The following ABCB10 variants were observed in gnomAD, a reference collection of about 807,000 sequenced individuals.
ABCB10 encodes the protein ATP-binding cassette sub-family B member 10, mitochondrial.
Under a neutral mutation model 65.4 loss-of-function variants are expected in ABCB10, and 54 were observed. The ratio of observed to expected loss-of-function variants is 0.83; its 90% CI spans 0.66 to 1.04. ABCB10 has a LOEUF of 1.04. Among genes scored for constraint, ABCB10 ranks in the 50% least tolerant of loss-of-function variants. The probability of loss-of-function intolerance (pLI) is 0.00; values close to 1 mark genes in which losing one functional copy is unlikely to be tolerated. For missense variants in ABCB10, 846 were observed against 976.6 expected, an observed-to-expected ratio of 0.87 and a Z score of 1.78; for synonymous variants, 418 against 406.5, an observed-to-expected ratio of 1.03 and a Z score of -0.34.
In ABCB10 at chr1:229,525,788, C is replaced by A. The variant is rs6700197; in HGVS notation, c.1906+148G>T. The A allele has an allele frequency of 1.2e-5, 11 of 903,840 alleles. No individual in the cohort carries two copies. In the Admixed American group the frequency reaches 2.5e-4, roughly 21 times the overall value. 56.0% of individuals were successfully genotyped at this position (903,840 alleles called of 1,614,324 possible). ...AGGAGCTTGCAGAGAGCCGAGATTG[C>A]GCCACTGCCACTGCACTCCAGCCTG... On this transcript the variant is annotated intron_variant, in intron 10 of 12. Transcript: ENST00000344517.
intron 3 of ABCB10, among the ~76,000 whole-genome samples, chr1:229,546,422 G>C (rs568263211): frequency 1.3e-5 from 2 of 152,082 alleles, no homozygotes; most frequent in African/African-American, 4.8e-5. Flanking sequence ...TTTGATTTTT[G>C]ACTGTGTGGG....
At chr1:229,532,970 CTTTATT>C (rs1220658124) in intron 6 of ABCB10, among the ~76,000 whole-genome samples, 1 of 152,040 alleles carries the variant, frequency 6.6e-6, no homozygotes, top group Non-Finnish European at 1.5e-5. Context: ...CCAGCAATCT[CTTTATT>C]TTTATTTTTT....
chr1:229,542,392 T>C (rs1375035194), intron 3 of ABCB10, 21 bp from the exon 4 acceptor site: 4 of 1,606,358 alleles, frequency 2.5e-6, no homozygotes, highest in African/African-American at 1.3e-5. Flanking sequence ...CAAAAAAAAA[T>C]TCAGAGGTGT....
At chr1:229,551,142 T>C (rs1663105202) in intron 1 of ABCB10, among the ~76,000 whole-genome samples, 1 of 152,166 alleles carries the variant, frequency 6.6e-6, no homozygotes, top group Non-Finnish European at 1.5e-5. Context: ...CAACTGGACA[T>C]TTAGTCGACA....
chr1:229,558,346 C>CGCA lies in ABCB10; in HGVS notation c.304_306dup (p.Cys102dup). 7.9e-7 allele frequency: 1 copy of CGCA among 1,258,960 alleles called. No individual in the cohort carries two copies. The highest frequency in any genetic ancestry group is 1.0e-6 in the Non-Finnish European group (1 of 991,054). 78.0% of individuals were successfully genotyped at this position (1,258,960 alleles called of 1,614,324 possible). On this transcript the variant is annotated inframe_insertion, in exon 1 of 13. Transcript: ENST00000344517. ...GGAGCGCCTGGCCCGGCAAAAGCCC[C>CGCA]GCACCTGCAGCTGCCGGGGCCGCGA... is the stretch of plus-strand genomic sequence containing the variant.
At position 229,556,399 on chromosome 1, in the gene ABCB10, G is replaced by A. The variant is rs189385434; in HGVS notation, c.517+1737C>T. ...AAAAAAAAAAAAAAAGGTACGAGCT[G>A]GGTGTGGTGGCACATGCCTGTAGTC... On this transcript the variant is annotated intron_variant, in intron 1 of 12. Transcript: ENST00000344517. Among the ~76,000 whole-genome samples the A allele has an allele frequency of 2.1e-3, 319 of 151,910 alleles. 2 individuals carry two copies. The highest frequency in any genetic ancestry group is 7.3e-3 in the African/African-American group (302 of 41,460).
intron 5 of ABCB10, among the ~76,000 whole-genome samples, chr1:229,539,905 T>A (rs1662804356): frequency 6.6e-6 from 1 of 152,128 alleles, no homozygotes; most frequent in Non-Finnish European, 1.5e-5. Flanking sequence ...CAAATAAATA[T>A]CTACTGTATA....
intron 8 of ABCB10, 115 bp from the exon 9 acceptor site, chr1:229,527,423 T>A: frequency 5.5e-6 from 5 of 903,184 alleles, no homozygotes; most frequent in Non-Finnish European, 8.8e-6. Context: ...CAAAATGTAC[T>A]GAAAATCTCC....
chr1:229,549,388 G>T lies in ABCB10; in HGVS notation c.564C>A (p.Ala188=). 6.2e-7 allele frequency: 1 copy of T among 1,614,140 alleles called. No homozygotes were observed. Among genetic ancestry groups the T allele is most frequent in the Non-Finnish European group, 8.5e-7 (1 of 1,180,024 alleles). The part of the protein sequence containing the change: ...LTMSSVISMS[A]PFFLGKIIDV... ...CAATGATCTTCCCCAGGAAGAAAGG[G>T]GCAGACATGGAGATAACACTGGACA... Residue 188 remains alanine (A), a synonymous_variant, in exon 2 of 13, where the codon GCC becomes GCA. Coordinates refer to ENST00000344517, the MANE Select transcript of ABCB10 (RefSeq NM_012089.3).
rs1169920657 is a variant in ABCB10, at chr1:229,518,372, G to C, written c.2024C>G (p.Ala675Gly). ...TCTTCCATCCATCAGTCGATCTAGAGCTTCTTGAACAAGGTACTCATTTTC... is the reference window on the plus strand; with the variant it reads ...TCTTCCATCCATCAGTCGATCTAGACCTTCTTGAACAAGGTACTCATTTTC... ...DAENEYLVQE[A>G]LDRLMDGRTV... The change falls in exon 13 of 13, where the codon GCT (alanine) becomes GGT (glycine). Residue 675 changes from alanine to glycine, a missense_variant. Physicochemically the swap from Ala to Gly is moderately conservative, Grantham distance 60. Transcript: ENST00000344517. 6 of 1,614,218 alleles carry C rather than the reference G, an allele frequency of 3.7e-6. No individual in the cohort carries two copies. The highest frequency in any genetic ancestry group is 5.1e-6 in the Non-Finnish European group (6 of 1,180,040).
chr1:229,548,438 T>C (rs1346171534), intron 2 of ABCB10, among the ~76,000 whole-genome samples: 1 of 152,232 alleles, frequency 6.6e-6, no homozygotes, highest in African/African-American at 2.4e-5. Context: ...TCCACAGAGA[T>C]AAATGGAGAG....
chr1:229,546,546 T>C (rs1662971512), intron 3 of ABCB10, among the ~76,000 whole-genome samples: 1 of 152,136 alleles, frequency 6.6e-6, no homozygotes, highest in South Asian at 2.1e-4. Flanking sequence ...TGACAATATT[T>C]TGTTTATACT....
intron 4 of ABCB10, 95 bp downstream of exon 4, chr1:229,542,142 G>A: frequency 6.9e-7 from 1 of 1,440,286 alleles, no homozygotes; most frequent in Non-Finnish European, 9.2e-7. Flanking sequence ...GCACTTCATT[G>A]AAAAACCTAA....
chr1:229,543,204 G>A (rs995441436), intron 3 of ABCB10, among the ~76,000 whole-genome samples: 2 of 151,514 alleles, frequency 1.3e-5, no homozygotes, highest in Admixed American at 6.6e-5. Context: ...CTAACAAGTC[G>A]AAGAAGAATT....
intron 3 of ABCB10, 83 bp from the exon 4 acceptor site, chr1:229,542,454 T>C: frequency 6.7e-7 from 1 of 1,490,888 alleles, no homozygotes; most frequent in Non-Finnish European, 9.1e-7. Flanking sequence ...GGGGAGTGTG[T>C]GTGTGGGTGT....
At position 229,517,966 on chromosome 1, in the gene ABCB10, A is replaced by G. The variant is rs778995411; in HGVS notation, c.*213T>C. 11 of 546,426 alleles carry G rather than the reference A, an allele frequency of 2.0e-5. No individual in the cohort carries two copies. The highest frequency in any genetic ancestry group is 4.6e-5 in the South Asian group (2 of 43,112). 33.8% of individuals were successfully genotyped at this position (546,426 alleles called of 1,614,324 possible). ...AAAACCTGAAAATAACTTCAGTGCT[A>G]TAGACATTTAAAAAGTTACAATTAT... On this transcript the variant is annotated 3_prime_UTR_variant, in exon 13 of 13. Transcript: ENST00000344517.
intron 8 of ABCB10, among the ~76,000 whole-genome samples, chr1:229,527,519 G>T (rs994946853): frequency 2.6e-5 from 4 of 152,244 alleles, no homozygotes; most frequent in Non-Finnish European, 5.9e-5. Context: ...TCTCCCGATA[G>T]TAGCTGGATG....
intron 6 of ABCB10, among the ~76,000 whole-genome samples, chr1:229,533,819 A>C (rs879461562): frequency 1.3e-5 from 2 of 152,240 alleles, no homozygotes; most frequent in Admixed American, 1.3e-4. Context: ...AAAACACAAA[A>C]CAATAAACTC....
At position 229,530,377 on chromosome 1, in the gene ABCB10, C is replaced by T. The variant is rs750438122; in HGVS notation, c.1467G>A (p.Gln489=). 2 of 1,614,052 alleles carry T rather than the reference C, an allele frequency of 1.2e-6. No homozygotes were observed. The highest frequency in any genetic ancestry group is 2.2e-5 in the East Asian group (1 of 44,894). ...EGVILNEKSF[Q]GALEFKNVHF... ...GCACGTTCTTAAACTCCAAAGCACCCTGGAAGCTTTTCTCATTTAAGATGA... is the reference window on the plus strand; with the variant it reads ...GCACGTTCTTAAACTCCAAAGCACCTTGGAAGCTTTTCTCATTTAAGATGA... The change falls in exon 8 of 13, where the codon CAG becomes CAA. Residue 489 remains glutamine (Q), a synonymous_variant. Coordinates refer to ENST00000344517, the MANE Select transcript of ABCB10 (RefSeq NM_012089.3).
Sources: allele counts gnomAD v4.1 joint callset (sites outside exome capture counted in the v4.1 genomes callset), GRCh38; gene constraint gnomAD v4.1.1; transcripts MANE v1.5; gene names NCBI Gene and HGNC (gene_info 2026-07-23, HGNC 2026-07-21).